The following TMEM276 variants were observed in gnomAD, a reference collection of about 807,000 sequenced individuals.
The protein encoded by TMEM276 is transmembrane protein 276.
At chr8:144,464,863 C>T in the TMEM276 span, 1 of 1,612,810 alleles carries the variant, frequency 6.2e-7, no homozygotes. Flanking sequence ...CCAGATGGGA[C>T]AGGGCTGTGC....
chr8:144,465,307 A>C, the TMEM276 span: 1 of 1,117,444 alleles, frequency 8.9e-7, no homozygotes, highest in Non-Finnish European at 1.1e-6. Context: ...CGGGTCCAGG[A>C]GGAGCGACGG....
chr8:144,464,927 A>G, the TMEM276 span: 2 of 1,606,794 alleles, frequency 1.2e-6, no homozygotes, highest in East Asian at 4.5e-5. Flanking sequence ...AGTATGTACG[A>G]GGACACAGAT....
the TMEM276 span, chr8:144,465,110 G>C: frequency 3.4e-6 from 5 of 1,462,858 alleles, no homozygotes; most frequent in South Asian, 1.2e-5. Context: ...TGGAGAAGAA[G>C]AACCTAATTC....
the TMEM276 span, chr8:144,466,206 G>C: frequency 5.5e-6 from 1 of 181,448 alleles, no homozygotes. Flanking sequence ...GGGCGCGCCG[G>C]GCGGCGCCGT....
the TMEM276 span, chr8:144,464,275 G>GCCC: frequency 1.2e-6 from 2 of 1,606,964 alleles, no homozygotes; most frequent in Non-Finnish European, 8.5e-7. Context: ...ACCCAGCATC[G>GCCC]CCCCCCCCCA....
the TMEM276 span, chr8:144,464,503 G>A: frequency 6.2e-7 from 1 of 1,612,260 alleles, no homozygotes. Flanking sequence ...GATGACGGTG[G>A]CCACCCAGGC....
the TMEM276 span, chr8:144,466,259 C>A: frequency 2.0e-5 from 4 of 204,536 alleles, no homozygotes; most frequent in East Asian, 2.5e-4. Context: ...GCACCTGTTT[C>A]TAGTACCCCC....
chr8:144,466,731 C>A, the TMEM276 span: 6 of 1,502,520 alleles, frequency 4.0e-6, no homozygotes, highest in Non-Finnish European at 5.3e-6. Flanking sequence ...CTGCCCCCCT[C>A]CTCAGGGGCG....
At chr8:144,464,017 C>G in the TMEM276 span, 6 of 1,523,528 alleles carry the variant, frequency 3.9e-6, no homozygotes, top group Non-Finnish European at 5.3e-6. Flanking sequence ...TGCAGCAAAC[C>G]CACTTCAGTA....
chr8:144,466,535 G>A, the TMEM276 span: 5 of 1,186,264 alleles, frequency 4.2e-6, no homozygotes, highest in South Asian at 6.0e-5. Flanking sequence ...GGGGCTGGCC[G>A]TGCAGCCCGT....
At chr8:144,464,824 G>C in the TMEM276 span, 185 of 1,612,736 alleles carry the variant, frequency 1.1e-4, no homozygotes, top group Non-Finnish European at 1.5e-4. Context: ...CTGTGCTCAC[G>C]GCTGCGTGCA....
the TMEM276 span, chr8:144,466,767 G>A: frequency 6.5e-6 from 10 of 1,530,838 alleles, no homozygotes; most frequent in African/African-American, 6.9e-5. Context: ...TAGAGAGCCC[G>A]CAAGCCCCGG....
chr8:144,465,339 C>A, the TMEM276 span: 7 of 1,091,580 alleles, frequency 6.4e-6, no homozygotes, highest in Non-Finnish European at 7.9e-6. Context: ...GGGAGGCCAG[C>A]CGTGCGCAGT....
At chr8:144,464,741 C>A in the TMEM276 span, 1 of 1,600,050 alleles carries the variant, frequency 6.2e-7, no homozygotes, top group Non-Finnish European at 8.5e-7. Context: ...CTCTCTAATT[C>A]AGGAAACTAG....
At chr8:144,464,977 C>T in the TMEM276 span, 3 of 1,568,066 alleles carry the variant, frequency 1.9e-6, no homozygotes, top group Non-Finnish European at 2.6e-6. Flanking sequence ...AGCGCAGAAG[C>T]CAGCGACCTG....
the TMEM276 span, chr8:144,466,456 T>C: frequency 7.4e-7 from 1 of 1,359,140 alleles, no homozygotes; most frequent in Non-Finnish European, 9.6e-7. Context: ...CTACATCTTC[T>C]ACAGCCTCTT....
At chr8:144,466,668 T>C in the TMEM276 span, 17 of 1,155,812 alleles carry the variant, frequency 1.5e-5, no homozygotes, top group Non-Finnish European at 1.7e-5. Flanking sequence ...AAGCGTAGAC[T>C]TCGGCCCCAA....
At chr8:144,465,873 T>C in the TMEM276 span, among the ~76,000 whole-genome samples, 1 of 5,162 alleles carries the variant, frequency 1.9e-4, no homozygotes, top group Non-Finnish European at 3.9e-4. Flanking sequence ...GGTCTGGGCG[T>C]GGCTGCGAGG....
the TMEM276 span, chr8:144,464,886 CCGGCTT>C: frequency 6.2e-7 from 1 of 1,612,276 alleles, no homozygotes; most frequent in East Asian, 2.2e-5. Flanking sequence ...CACTCGGCCC[CCGGCTT>C]GGGGGCCATG....
Sources: gnomAD v4.1 joint callset for allele counts (sites outside exome capture counted in the v4.1 genomes callset) on GRCh38, gnomAD v4.1.1 for gene constraint, MANE v1.5 for transcripts, NCBI Gene and HGNC (gene_info 2026-07-23, HGNC 2026-07-21) for gene names.